The following BFSP2 variants were observed in gnomAD, a reference collection of about 807,000 sequenced individuals.
The protein encoded by BFSP2 is beaded filament structural protein 2.
A neutral mutation model predicts 44.9 loss-of-function variants in BFSP2; 38 were observed. That is an observed-to-expected ratio of 0.85 (90% confidence interval 0.65 to 1.11). The LOEUF is 1.11. BFSP2 is among the 50% of genes least tolerant of loss of function. The pLI, the probability that BFSP2 is intolerant of heterozygous loss-of-function variation, is 0.00. For synonymous variants in BFSP2, 197 were observed against 209.9 expected (o/e 0.94, Z 0.53); for missense variants, 525 against 533.0 (o/e 0.99, Z 0.15).
chr3:133,447,319 G>A lies in BFSP2; in HGVS notation c.492G>A (p.Val164=). The A allele has an allele frequency of 6.2e-7, 1 of 1,613,988 alleles. No homozygotes were observed. Among genetic ancestry groups the A allele is most frequent in the African/African-American group, 1.3e-5 (1 of 75,028 alleles). Residue 164 remains valine, a splice_region_variant and synonymous_variant, in exon 2 of 7, where the codon GTG becomes GTA. Coordinates refer to ENST00000302334, the MANE Select transcript of BFSP2 (RefSeq NM_003571.4). ...TTTGGTGTGTGTGATCGCTCTAGGT[G>A]GGTGAGGCAGTCTTGGAAAATGCCC... is the stretch of plus-strand genomic sequence containing the variant. ...RASWASSCQQ[V]GEAVLENARL...
intron 5 of BFSP2, among the ~76,000 whole-genome samples, chr3:133,467,287 T>C (rs1453925584): frequency 6.6e-6 from 1 of 152,204 alleles, no homozygotes; most frequent in Admixed American, 6.5e-5. Flanking sequence ...CCCAGAAGGT[T>C]AGGCCCTGCC....
chr3:133,415,265 G>T (rs1310241773), intron 1 of BFSP2, among the ~76,000 whole-genome samples: 5 of 18,638 alleles, frequency 2.7e-4, no homozygotes, highest in Non-Finnish European at 4.7e-4. Context: ...TGCCCCCTCT[G>T]CTCTACTCAC....
In BFSP2 at chr3:133,472,509, C is replaced by A. The variant is rs762459073; in HGVS notation, c.1188C>A (p.Cys396Ter). The stretch of plus-strand genomic sequence containing the variant: ...GCGCGCATCTGCTGGCCCGCAAGTG[C>A]CAGCTGCAGAAGGACGTGGCGTCCT... ...QERAHLLARK[C>*]QLQKDVASYH... is the part of the protein sequence containing the mutation. The change falls in exon 6 of 7, where the codon TGC becomes TGA. Residue 396 changes from cysteine (C) to a stop codon, truncating the protein, a stop_gained. Coordinates refer to ENST00000302334, the MANE Select transcript of BFSP2 (RefSeq NM_003571.4). LOFTEE classifies it high-confidence loss of function. The A allele has an allele frequency of 3.7e-6, 6 of 1,613,194 alleles. No homozygotes were observed. Among genetic ancestry groups the A allele is most frequent in the Non-Finnish European group, 5.1e-6 (6 of 1,180,004 alleles).
chr3:133,461,626 C>T (rs140526931), intron 4 of BFSP2, among the ~76,000 whole-genome samples: 25 of 152,232 alleles, frequency 1.6e-4, no homozygotes, highest in Non-Finnish European at 3.1e-4. Flanking sequence ...AACCAGAAAG[C>T]ACAAATCTAA....
At chr3:133,456,299 T>C (rs2074012443) in intron 4 of BFSP2, among the ~76,000 whole-genome samples, 1 of 152,200 alleles carries the variant, frequency 6.6e-6, no homozygotes, top group Non-Finnish European at 1.5e-5. Context: ...GACAAGTGAA[T>C]AGATTGAAAT....
intron 3 of BFSP2, 119 bp downstream of exon 3, chr3:133,448,764 G>A: frequency 7.5e-7 from 1 of 1,328,990 alleles, no homozygotes. Flanking sequence ...GCGTGCCCAG[G>A]ACTGCAGGGA....
At chr3:133,447,689 C>T (rs959020149) in intron 2 of BFSP2, among the ~76,000 whole-genome samples, 10 of 152,118 alleles carry the variant, frequency 6.6e-5, no homozygotes, top group Non-Finnish European at 1.2e-4. Context: ...TGCGCCCCAC[C>T]CTGTTGAATT....
intron 1 of BFSP2, among the ~76,000 whole-genome samples, chr3:133,422,934 C>A (rs182489719): frequency 2.5e-4 from 38 of 152,322 alleles, no homozygotes; most frequent in Admixed American, 4.6e-4. Context: ...AGGATTGTGC[C>A]TGCCTATACC....
At chr3:133,414,363 T>TG in intron 1 of BFSP2, among the ~76,000 whole-genome samples, 1 of 69,160 alleles carries the variant, frequency 1.4e-5, no homozygotes, top group East Asian at 4.8e-4. Flanking sequence ...TACTCACCCG[T>TG]CCTCTCCCCT....
chr3:133,415,072 A>C, intron 1 of BFSP2, among the ~76,000 whole-genome samples: 2 of 92,338 alleles, frequency 2.2e-5, no homozygotes, highest in Non-Finnish European at 4.2e-5. Context: ...TCTCCCCTCT[A>C]CTTGCCCCAG....
At chr3:133,418,203 T>G (rs1042345088) in intron 1 of BFSP2, among the ~76,000 whole-genome samples, 4 of 152,022 alleles carry the variant, frequency 2.6e-5, no homozygotes, top group African/African-American at 9.7e-5. Context: ...CTAGCCCTAC[T>G]GCCCAGAGTA....
chr3:133,450,784 A>G (rs1308671530), intron 4 of BFSP2, among the ~76,000 whole-genome samples: 1 of 152,212 alleles, frequency 6.6e-6, no homozygotes, highest in Non-Finnish European at 1.5e-5. Flanking sequence ...AAATGCCCCT[A>G]GCTACCAACT....
chr3:133,447,239 C>A (rs2073911220), intron 1 of BFSP2, 78 bp from the exon 2 acceptor site: 8 of 1,485,028 alleles, frequency 5.4e-6, no homozygotes, highest in Admixed American at 5.1e-5. Flanking sequence ...AGCCTCTGTG[C>A]CTAACACAAG....
At chr3:133,431,513 C>T (rs1270419422) in intron 1 of BFSP2, among the ~76,000 whole-genome samples, 1 of 152,194 alleles carries the variant, frequency 6.6e-6, no homozygotes, top group African/African-American at 2.4e-5. Context: ...CTGTTCAACT[C>T]ACCTGGCAGC....
chr3:133,448,559 G>T lies in BFSP2; in HGVS notation c.643G>T (p.Glu215Ter). 2 of 1,614,122 alleles carry T rather than the reference G, an allele frequency of 1.2e-6. No homozygotes were observed. Among genetic ancestry groups the T allele is most frequent in the Non-Finnish European group, 1.7e-6 (2 of 1,180,024 alleles). ...TAACTCTCTGTATAAAGTCATTGAT[G>T]AGGCTAATTTGACTAAAATGGACCT... is the stretch of plus-strand genomic sequence containing the variant. ...EINSLYKVID[E>*]ANLTKMDLES... is the part of the protein sequence containing the mutation. Residue 215 changes from glutamate (E) to a stop codon, truncating the protein, a stop_gained, in exon 3 of 7, where the codon GAG becomes TAG. Coordinates refer to ENST00000302334, the MANE Select transcript of BFSP2 (RefSeq NM_003571.4). LOFTEE classifies it high-confidence loss of function.
At chr3:133,448,236 G>A (rs1344288385) in intron 2 of BFSP2, among the ~76,000 whole-genome samples, 2 of 152,204 alleles carry the variant, frequency 1.3e-5, no homozygotes, top group South Asian at 2.1e-4. Flanking sequence ...TTTCCCTGGA[G>A]TTCTGTGTTG....
chr3:133,417,828 T>TA (rs1378439365), intron 1 of BFSP2, among the ~76,000 whole-genome samples: 23 of 111,314 alleles, frequency 2.1e-4, no homozygotes, highest in Middle Eastern at 8.2e-3. Flanking sequence ...CCCTGCCCTC[T>TA]CCTCTCTACT....
At chr3:133,420,603 G>A (rs1383694676) in intron 1 of BFSP2, among the ~76,000 whole-genome samples, 1 of 152,184 alleles carries the variant, frequency 6.6e-6, no homozygotes, top group South Asian at 2.1e-4. Flanking sequence ...GCTGCCAACG[G>A]TCAGGGCCAT....
chr3:133,431,680 A>T (rs114384372), intron 1 of BFSP2, among the ~76,000 whole-genome samples: 3 of 152,002 alleles, frequency 2.0e-5, no homozygotes, highest in Non-Finnish European at 4.4e-5. Context: ...GGGTAAGTCC[A>T]TCCCCTTCTT....
Sources: allele counts gnomAD v4.1 joint callset (sites outside exome capture counted in the v4.1 genomes callset), GRCh38; gene constraint gnomAD v4.1.1; transcripts MANE v1.5; gene names NCBI Gene and HGNC (gene_info 2026-07-23, HGNC 2026-07-21).